AHCY: variants seen among roughly 807,000 people sequenced by gnomAD.
AHCY encodes S-adenosyl-L-homocysteine hydrolase.
AHCY carries 24 observed loss-of-function variants against 45.4 expected under a neutral mutation model. The ratio of observed to expected loss-of-function variants is 0.53; its 90% CI spans 0.38 to 0.74. AHCY has a LOEUF of 0.74. AHCY is among the 30% of genes least tolerant of loss of function. AHCY has a pLI of 0.00. For synonymous variants in AHCY, 245 were observed against 235.1 expected, an observed-to-expected ratio of 1.04 and a Z score of -0.39; for missense variants, 449 against 594.1, an observed-to-expected ratio of 0.76 and a Z score of 2.54.
At chr20:34,234,748 A>T in the AHCY span, 1 of 152,186 alleles carries the variant, frequency 6.6e-6, no homozygotes, top group Admixed American at 6.6e-5. Context: ...CAGGAGGCAG[A>T]GGTTGCAGTG....
the AHCY span, chr20:34,260,491 C>G: frequency 2.5e-6 from 4 of 1,614,084 alleles, no homozygotes. Context: ...TGAGAAGCAA[C>G]TCCTCTGTGA....
chr20:34,238,923 A>G, the AHCY span, among the ~76,000 whole-genome samples: 2 of 152,184 alleles, frequency 1.3e-5, no homozygotes, highest in Admixed American at 6.5e-5. Context: ...CAAGCCTTCA[A>G]TAGACTCCAT....
intron 1 of AHCY, 180 bp downstream of exon 1, chr20:34,303,063 G>A (rs902321518): frequency 3.7e-5 from 36 of 985,274 alleles, no homozygotes; most frequent in Middle Eastern, 5.2e-4. Context: ...CACCCGGAAC[G>A]GCCCGCTCAT....
At chr20:34,255,110 T>C in the AHCY span, among the ~76,000 whole-genome samples, 13 of 152,262 alleles carry the variant, frequency 8.5e-5, no homozygotes, top group African/African-American at 2.6e-4. Flanking sequence ...TGAACTGAGC[T>C]TGTACCTACA....
chr20:34,252,520 C>T, the AHCY span, among the ~76,000 whole-genome samples: 1 of 152,190 alleles, frequency 6.6e-6, no homozygotes, highest in South Asian at 2.1e-4. Flanking sequence ...TCCCCTCTAG[C>T]CACAGGGCGG....
the AHCY span, chr20:34,263,032 A>C: frequency 9.9e-6 from 10 of 1,008,700 alleles, no homozygotes; most frequent in African/African-American, 1.5e-4. Flanking sequence ...AAAGCTACTA[A>C]AGACTTCCTG....
chr20:34,311,068 C>G (rs1027208611), intron 1 of AHCY, among the ~76,000 whole-genome samples: 8 of 150,796 alleles, frequency 5.3e-5, no homozygotes, highest in Non-Finnish European at 1.0e-4. Context: ...TGCAGTGAGC[C>G]GAGATTGTGC....
chr20:34,285,596 G>A lies in AHCY; in HGVS notation c.1011C>T (p.Ile337=), dbSNP rs777625939. 7.4e-6 allele frequency: 12 copies of A among 1,613,898 alleles called. No individual in the cohort carries two copies. The highest frequency in any genetic ancestry group is 1.1e-5 in the South Asian group (1 of 91,086). Residue 337 remains isoleucine (I), a synonymous_variant, in exon 9 of 10, where the codon ATC becomes ATT. Coordinates refer to ENST00000217426, the MANE Select transcript of AHCY (RefSeq NM_000687.4). ...RYRLKNGRRI[I]LLAEGRLVNL... is the part of the protein sequence containing the mutation. ...TGACCAGCCGACCCTCGGCCAGCAG[G>A]ATGATGCGGCGCCCATTCTTCAACC... is the stretch of plus-strand genomic sequence containing the variant.
the AHCY span, among the ~76,000 whole-genome samples, chr20:34,249,260 T>C: frequency 6.6e-5 from 10 of 152,270 alleles, no homozygotes; most frequent in Non-Finnish European, 1.2e-4. Context: ...CCCAGGTTTT[T>C]ACATGCTGGT....
chr20:34,302,094 C>T lies in AHCY; in HGVS notation c.28+1149G>A, dbSNP rs185956860. On this transcript the variant is annotated intron_variant, in intron 1 of 9. Transcript: ENST00000217426. ...CGGCTCACTGCAACCTCCGTCTCCC[C>T]GGCTCAAACAGTCCTCCTGCCTCAG... is the stretch of plus-strand genomic sequence containing the variant. 3.9e-4 allele frequency: 238 copies of T among 613,230 alleles called. 1 individual carries two copies. Among genetic ancestry groups the T allele is most frequent in the East Asian group, 3.4e-3 (24 of 7,094 alleles). 38.0% of individuals were successfully genotyped at this position (613,230 alleles called of 1,614,324 possible).
the AHCY span, among the ~76,000 whole-genome samples, chr20:34,275,202 C>T: frequency 4.7e-5 from 7 of 150,532 alleles, no homozygotes; most frequent in Non-Finnish European, 1.0e-4. Context: ...GCTTGATCTC[C>T]GCTCACTGCA....
the AHCY span, among the ~76,000 whole-genome samples, chr20:34,235,845 G>GAA: frequency 2.7e-5 from 1 of 36,618 alleles, no homozygotes; most frequent in South Asian, 1.1e-3. Flanking sequence ...AAGAAAGAAG[G>GAA]AAGGAAGGAA....
At chr20:34,236,256 A>G in the AHCY span, among the ~76,000 whole-genome samples, 1 of 152,206 alleles carries the variant, frequency 6.6e-6, no homozygotes, top group Non-Finnish European at 1.5e-5. Flanking sequence ...AATCATGGCC[A>G]TGGCTGGGCG....
chr20:34,281,092 G>A lies in AHCY; in HGVS notation c.1241C>T (p.Ala414Val). The change falls in exon 10 of 10, where the codon GCC (alanine) becomes GTC (valine). Residue 414 changes from alanine to valine, a missense_variant. Transcript: ENST00000217426. ...VKLTKLTEKQ[A>V]QYLGMSCDGP... ...ATCACAGGACATGCCCAGGTACTGGGCTTGCTTCTCAGTTAGCTTGGTCAA... is the reference window on the plus strand; with the variant it reads ...ATCACAGGACATGCCCAGGTACTGGACTTGCTTCTCAGTTAGCTTGGTCAA... The A allele has an allele frequency of 6.2e-7, 1 of 1,614,160 alleles. No homozygotes were observed. The highest frequency in any genetic ancestry group is 8.5e-7 in the Non-Finnish European group (1 of 1,180,038).
At chr20:34,303,102 G>A in intron 1 of AHCY, 141 bp downstream of exon 1, 1 of 1,481,174 alleles carries the variant, frequency 6.8e-7, no homozygotes, top group Admixed American at 2.5e-5. Context: ...ACTTCCAGCT[G>A]GCTTCGCGCG....
At position 34,280,865 on chromosome 20, in the gene AHCY, G is replaced by T; in HGVS notation, c.*169C>A. 9.8e-7 allele frequency: 1 copy of T among 1,016,946 alleles called. No homozygotes were observed. Among genetic ancestry groups the T allele is most frequent in the Non-Finnish European group, 1.5e-6 (1 of 689,224 alleles). The allele number at this position is 1,016,946 out of a possible 1,614,324, so 63.0% of individuals were successfully genotyped here. A position where few individuals can be genotyped will look rare whatever the true frequency, so the allele number is the denominator to read the frequency against. ...GTACTCTGTTCCCGCTGCCACATTT[G>T]GAACAGTATGACGGCTGCAGCAGAG... On this transcript the variant is annotated 3_prime_UTR_variant, in exon 10 of 10. Coordinates refer to ENST00000217426, the MANE Select transcript of AHCY (RefSeq NM_000687.4).
chr20:34,303,765 G>T (rs1401823979), upstream of AHCY, among the ~76,000 whole-genome samples: 1 of 152,202 alleles, frequency 6.6e-6, no homozygotes, highest in Non-Finnish European at 1.5e-5. Flanking sequence ...AGGCCAAGGC[G>T]GGAGGATCGC....
intron 5 of AHCY, 90 bp from the exon 6 acceptor site, chr20:34,291,028 GC>G: frequency 1.6e-6 from 2 of 1,284,472 alleles, no homozygotes; most frequent in Non-Finnish European, 2.2e-6. Flanking sequence ...AAGAGCCCAG[GC>G]ATCATGGGCC....
upstream of AHCY, among the ~76,000 whole-genome samples, chr20:34,306,394 G>C (rs1034598705): frequency 6.7e-6 from 1 of 148,888 alleles, no homozygotes; most frequent in African/African-American, 2.5e-5. Flanking sequence ...TTGAGAAAGA[G>C]TGTCTCTCTG....
Sources: gnomAD v4.1 joint callset for allele counts (sites outside exome capture counted in the v4.1 genomes callset) on GRCh38, gnomAD v4.1.1 for gene constraint, MANE v1.5 for transcripts, NCBI Gene and HGNC (gene_info 2026-07-23, HGNC 2026-07-21) for gene names.